ELP1: variants seen among roughly 807,000 people sequenced by gnomAD.
ELP1 encodes elongator acetyltransferase complex subunit 1.
A neutral mutation model predicts 183.2 loss-of-function variants in ELP1; 131 were observed. The ratio of observed to expected loss-of-function variants is 0.72; its 90% CI spans 0.62 to 0.83. The LOEUF (loss-of-function observed/expected upper bound fraction) is 0.83, where lower values mean the gene tolerates loss of function less well. Among genes scored for constraint, ELP1 ranks in the 40% least tolerant of loss-of-function variants. ELP1 has a pLI of 0.00. For synonymous variants in ELP1, 555 were observed against 569.0 expected, an observed-to-expected ratio of 0.98 and a Z score of 0.35; for missense variants, 1,550 against 1,594.9, an observed-to-expected ratio of 0.97 and a Z score of 0.48.
rs1184388083 is a variant in ELP1 at position 108,922,903 on chromosome 9, C to T, written c.491G>A (p.Gly164Asp). 1.2e-6 allele frequency: 2 copies of T among 1,613,750 alleles called. No individual in the cohort carries two copies. Among genetic ancestry groups the T allele is most frequent in the Admixed American group, 1.7e-5 (1 of 60,024 alleles). ...GESKFITVGW[G>D]RKETQFHGSE... ...TCCATGGAACTGTGTCTCCTTCCTA[C>T]CCCATCCAACAGTGATAAACTTGCC... Residue 164 changes from glycine (G) to aspartate (D), a missense_variant, in exon 6 of 37, where the codon GGT becomes GAT. Coordinates refer to ENST00000374647, the MANE Select transcript of ELP1 (RefSeq NM_003640.5).
chr9:108,918,902 C>T lies in ELP1; in HGVS notation c.650-1G>A, dbSNP rs775020730. 1 of 1,613,386 alleles carries T rather than the reference C, an allele frequency of 6.2e-7. No homozygotes were observed. Among genetic ancestry groups the T allele is most frequent in the South Asian group, 1.1e-5 (1 of 91,060 alleles). On this transcript the variant is annotated splice_acceptor_variant, in intron 7 of 36. Coordinates refer to ENST00000374647, the MANE Select transcript of ELP1 (RefSeq NM_003640.5). LOFTEE classifies it high-confidence loss of function. ...TTCCACACTCTGACCTTCCGAGCCC[C>T]TGTGCGGGAGTGGAGTCAAACACAC...
chr9:108,920,159 C>A (rs529914618), intron 6 of ELP1, among the ~76,000 whole-genome samples: 2 of 152,216 alleles, frequency 1.3e-5, no homozygotes, highest in East Asian at 3.9e-4. Flanking sequence ...AGATGGCAAG[C>A]AGGGTATTAT....
chr9:108,882,325 T>A lies in ELP1; in HGVS notation c.3223-138A>T, dbSNP rs551466078. The A allele has an allele frequency of 2.3e-3, 1,594 of 687,642 alleles. 36 individuals carry two copies. The highest frequency in any genetic ancestry group is 0.022 in the South Asian group (1,505 of 66,962). The allele number at this position is 687,642 out of a possible 1,614,324, so 42.6% of individuals were successfully genotyped here. On this transcript the variant is annotated intron_variant, in intron 29 of 36. Coordinates refer to ENST00000374647, the MANE Select transcript of ELP1 (RefSeq NM_003640.5). ...CTCCTAGTTCTCAACATCATGCCTA[T>A]CCTAGAGTTCATGACTCCATAAATA...
intron 36 of ELP1, among the ~76,000 whole-genome samples, chr9:108,872,224 G>A (rs1827483157): frequency 6.6e-6 from 1 of 152,044 alleles, no homozygotes; most frequent in Non-Finnish European, 1.5e-5. Context: ...ATGGTTAGCG[G>A]CACATGGCAT....
At chr9:108,871,915 T>G (rs1827473355) in intron 36 of ELP1, among the ~76,000 whole-genome samples, 3 of 152,198 alleles carry the variant, frequency 2.0e-5, no homozygotes. Flanking sequence ...GCTTCATAAA[T>G]TTCCTTTTCT....
At position 108,868,530 on chromosome 9, in the gene ELP1, T is replaced by C. The variant is rs1827317710; in HGVS notation, c.*585A>G. 1.2e-5 allele frequency: 5 copies of C among 418,890 alleles called. No homozygotes were observed. In the Admixed American group the frequency reaches 1.9e-4, roughly 16 times the overall value. 25.9% of individuals were successfully genotyped at this position (418,890 alleles called of 1,614,324 possible). On this transcript the variant is annotated 3_prime_UTR_variant, in exon 37 of 37. Coordinates refer to ENST00000374647, the MANE Select transcript of ELP1 (RefSeq NM_003640.5). ...AGAAAATACACAGGCAGTAAAACAG[T>C]CCCTATAGACATTGTAATTATAGGA...
intron 36 of ELP1, among the ~76,000 whole-genome samples, chr9:108,872,911 GACTTA>G (rs1441700086): frequency 6.8e-6 from 1 of 146,984 alleles, no homozygotes; most frequent in African/African-American, 2.6e-5. Flanking sequence ...TTTGATTCTA[GACTTA>G]ACTTGAAATA....
At chr9:108,909,549 T>A (rs1227669752) in intron 12 of ELP1, among the ~76,000 whole-genome samples, 1 of 152,192 alleles carries the variant, frequency 6.6e-6, no homozygotes, top group African/African-American at 2.4e-5. Context: ...GATCTCTTTT[T>A]CCAGATTCTC....
chr9:108,932,164 T>G (rs1830021241), intron 1 of ELP1, among the ~76,000 whole-genome samples: 1 of 152,150 alleles, frequency 6.6e-6, no homozygotes, highest in Admixed American at 6.5e-5. Flanking sequence ...GAATCAATCC[T>G]AATAGTACAC....
In ELP1 at chr9:108,896,994, G is replaced by T. The variant is rs750340284; in HGVS notation, c.2546C>A (p.Pro849Gln). ...ILTSHVKKTT[P>Q]ELEIVLQKVH... Reference sequence around the variant, plus strand: ...TTTTTGCAGTACAATTTCCAGTTCTGGGGTTGTCTTCTTTACATGAGATGT... The same window carrying T: ...TTTTTGCAGTACAATTTCCAGTTCTTGGGTTGTCTTCTTTACATGAGATGT... Residue 849 changes from proline (P) to glutamine (Q), a missense_variant, in exon 24 of 37, where the codon CCA (proline) becomes CAA (glutamine). Transcript: ENST00000374647. The T allele has an allele frequency of 6.2e-7, 1 of 1,614,006 alleles. No individual in the cohort carries two copies. Among genetic ancestry groups the T allele is most frequent in the East Asian group, 2.2e-5 (1 of 44,884 alleles).
At chr9:108,874,300 C>T (rs1827610113) in intron 36 of ELP1, among the ~76,000 whole-genome samples, 2 of 152,162 alleles carry the variant, frequency 1.3e-5, no homozygotes, top group African/African-American at 4.8e-5. Flanking sequence ...TTCTAACCAA[C>T]TTTCAAAAGA....
chr9:108,907,674 G>A (rs1829069014), intron 13 of ELP1, among the ~76,000 whole-genome samples: 1 of 152,114 alleles, frequency 6.6e-6, no homozygotes, highest in South Asian at 2.1e-4. Context: ...ATGACCTTGG[G>A]TAAGTTACCT....
At chr9:108,903,478 G>T in intron 15 of ELP1, 85 bp downstream of exon 15, 1 of 958,442 alleles carries the variant, frequency 1.0e-6, no homozygotes, top group Non-Finnish European at 1.7e-6. Flanking sequence ...AATCAATATT[G>T]AACTGACAAG....
intron 36 of ELP1, 37 bp from the exon 37 acceptor site, chr9:108,869,219 T>C (rs761286257): frequency 1.3e-6 from 2 of 1,582,800 alleles, no homozygotes; most frequent in Non-Finnish European, 1.7e-6. Context: ...GTGACAGACA[T>C]ACTCTTGTTG....
At chr9:108,930,667 G>A (rs1829971634) in intron 2 of ELP1, among the ~76,000 whole-genome samples, 1 of 149,346 alleles carries the variant, frequency 6.7e-6, no homozygotes, top group Non-Finnish European at 1.5e-5. Context: ...CTCCAGCCTG[G>A]GTGACAGAGC....
At chr9:108,917,518 T>A (rs2132027688) in intron 9 of ELP1, 29 bp downstream of exon 9, 1 of 1,611,032 alleles carries the variant, frequency 6.2e-7, no homozygotes, top group East Asian at 2.2e-5. Flanking sequence ...TCCTCTACAT[T>A]CGAGGGTGAA....
intron 12 of ELP1, among the ~76,000 whole-genome samples, chr9:108,908,616 G>A (rs1232074548): frequency 1.3e-5 from 2 of 152,210 alleles, no homozygotes; most frequent in African/African-American, 4.8e-5. Context: ...AAGACCAGGT[G>A]AAGGGGCTAC....
Position 108,880,182 on chromosome 9 carries a change from G to C in ELP1, c.3347-17C>G. On this transcript the variant is annotated splice_polypyrimidine_tract_variant and intron_variant, in intron 31 of 36. Coordinates refer to ENST00000374647, the MANE Select transcript of ELP1 (RefSeq NM_003640.5). Reference sequence around the variant, plus strand: ...TTTTCTGGGCTGGAGATGCAGAATGGAAAATAGTTTGAGCATGAGGTTTAA... The same window carrying C: ...TTTTCTGGGCTGGAGATGCAGAATGCAAAATAGTTTGAGCATGAGGTTTAA... 3 of 1,522,262 alleles carry C rather than the reference G, an allele frequency of 2.0e-6. No individual in the cohort carries two copies. Among genetic ancestry groups the C allele is most frequent in the Non-Finnish European group, 2.7e-6 (3 of 1,096,130 alleles). 94.3% of individuals were successfully genotyped at this position (1,522,262 alleles called of 1,614,324 possible).
intron 3 of ELP1, among the ~76,000 whole-genome samples, chr9:108,929,211 A>G (rs1829918262): frequency 1.3e-5 from 2 of 152,234 alleles, no homozygotes; most frequent in Admixed American, 6.5e-5. Context: ...GTAATTTGAA[A>G]CCCTTGCTGT....
Sources: allele counts gnomAD v4.1 joint callset (sites outside exome capture counted in the v4.1 genomes callset), GRCh38; gene constraint gnomAD v4.1.1; transcripts MANE v1.5; gene names NCBI Gene and HGNC (gene_info 2026-07-23, HGNC 2026-07-21).